The following SRL variants were observed in gnomAD, a reference collection of about 807,000 sequenced individuals.
The protein encoded by SRL is sarcalumenin.
Under a neutral mutation model 39.5 loss-of-function variants are expected in SRL, and 23 were observed. That is an observed-to-expected ratio of 0.58 (90% confidence interval 0.42 to 0.82). The LOEUF (loss-of-function observed/expected upper bound fraction) is 0.82, where lower values mean the gene tolerates loss of function less well. Ranked by LOEUF, SRL falls within the 40% of genes least tolerant of loss-of-function variation. SRL has a pLI of 0.00. For missense variants in SRL, 592 were observed against 607.8 expected, an observed-to-expected ratio of 0.97 and a Z score of 0.27; for synonymous variants, 272 against 237.4, an observed-to-expected ratio of 1.15 and a Z score of -1.34.
At chr16:4,207,411 G>A (rs1246156566) in intron 1 of SRL, 5 of 456,498 alleles carry the variant, frequency 1.1e-5, no homozygotes, top group Middle Eastern at 3.2e-4. Context: ...ATCTGGCTCC[G>A]ACTCTCCCCC....
Position 4,206,989 on chromosome 16 carries a change from C to A in SRL, c.62-2355G>T, listed in dbSNP as rs753944174. On this transcript the variant is annotated intron_variant, in intron 1 of 5. Transcript: ENST00000399609. Reference sequence around the variant, plus strand: ...TCCCCGCCTTCCTGTGGCGCTCCACCTTCCTGGGGCTCCTCGGCTTCCTGG... The same window carrying A: ...TCCCCGCCTTCCTGTGGCGCTCCACATTCCTGGGGCTCCTCGGCTTCCTGG... The A allele has an allele frequency of 2.5e-4, 113 of 454,994 alleles. 1 individual carries two copies. Among genetic ancestry groups the A allele is most frequent in the Non-Finnish European group, 4.2e-4 (94 of 226,254 alleles). The allele number at this position is 454,994 out of a possible 1,614,324, so 28.2% of individuals were successfully genotyped here. A position where few individuals can be genotyped will look rare whatever the true frequency, so the allele number is the denominator to read the frequency against.
chr16:4,196,690 A>C lies in SRL; in HGVS notation c.377-904T>G, dbSNP rs544176866. Among the ~76,000 whole-genome samples, 372 of 152,180 alleles carry C rather than the reference A, an allele frequency of 2.4e-3. 1 individual carries two copies. Among genetic ancestry groups the C allele is most frequent in the African/African-American group, 8.8e-3 (366 of 41,534 alleles). The stretch of plus-strand genomic sequence containing the variant: ...GAGACAAGGTTTCACCATCTTGGCC[A>C]GGCTGGTCTTGAAGTCCTGACCTTG... On this transcript the variant is annotated intron_variant, in intron 4 of 5. Transcript: ENST00000399609.
chr16:4,199,949 G>A lies in SRL; in HGVS notation c.260-2034C>T, dbSNP rs576398370. On this transcript the variant is annotated intron_variant, in intron 3 of 5. Coordinates refer to ENST00000399609, the MANE Select transcript of SRL (RefSeq NM_001098814.2). ...TGACCTCAAGTGATCCACCTGCCTCGGCTTCCCAAAGTGCTGGGATTACAG... is the reference window on the plus strand; with the variant it reads ...TGACCTCAAGTGATCCACCTGCCTCAGCTTCCCAAAGTGCTGGGATTACAG... Among the ~76,000 whole-genome samples, 5 of 152,166 alleles carry A rather than the reference G, an allele frequency of 3.3e-5. No individual in the cohort carries two copies. The South Asian group carries it at 8.3e-4, about 25-fold the overall frequency.
chr16:4,195,798 G>T lies in SRL; in HGVS notation c.377-12C>A. ...GGTGGGTTCAGCGCCTGGGCACACG[G>T]GGTGAGAGGTGAAGGAATACATGAT... On this transcript the variant is annotated splice_polypyrimidine_tract_variant and intron_variant, in intron 4 of 5. Coordinates refer to ENST00000399609, the MANE Select transcript of SRL (RefSeq NM_001098814.2). 1 of 1,605,740 alleles carries T rather than the reference G, an allele frequency of 6.2e-7. No homozygotes were observed. Among genetic ancestry groups the T allele is most frequent in the African/African-American group, 1.3e-5 (1 of 74,870 alleles).
At chr16:4,201,280 T>C (rs1469064213) in intron 3 of SRL, among the ~76,000 whole-genome samples, 2 of 151,944 alleles carry the variant, frequency 1.3e-5, no homozygotes, top group Non-Finnish European at 2.9e-5. Flanking sequence ...TGTCCAGCTA[T>C]TTTTTTCTTT....
chr16:4,241,634 C>T (rs2052774622), intron 1 of SRL, among the ~76,000 whole-genome samples: 1 of 152,208 alleles, frequency 6.6e-6, no homozygotes, highest in Non-Finnish European at 1.5e-5. Context: ...GGAGGGTCAC[C>T]TCAACGACCT....
At chr16:4,226,351 T>C (rs1597291618) in intron 1 of SRL, among the ~76,000 whole-genome samples, 1 of 151,432 alleles carries the variant, frequency 6.6e-6, no homozygotes, top group African/African-American at 2.4e-5. Flanking sequence ...GACGAATGGA[T>C]GGATGGGTAG....
chr16:4,217,238 G>A (rs955768307), intron 1 of SRL, among the ~76,000 whole-genome samples: 1 of 152,042 alleles, frequency 6.6e-6, no homozygotes, highest in African/African-American at 2.4e-5. Context: ...AGGAAAGCTG[G>A]GTTCTGCCCC....
chr16:4,197,957 A>G, intron 3 of SRL, 42 bp from the exon 4 acceptor site: 12 of 1,321,744 alleles, frequency 9.1e-6, no homozygotes, highest in Non-Finnish European at 1.3e-5. Context: ...AACTAACAAA[A>G]GTTCACACAA....
intron 1 of SRL, among the ~76,000 whole-genome samples, chr16:4,228,117 C>T (rs542290191): frequency 6.6e-6 from 1 of 152,322 alleles, no homozygotes; most frequent in African/African-American, 2.4e-5. Flanking sequence ...CTGGACCGGG[C>T]CTCCCTGACC....
intron 1 of SRL, chr16:4,206,645 TG>T: frequency 2.2e-6 from 1 of 456,008 alleles, no homozygotes; most frequent in Non-Finnish European, 4.4e-6. Flanking sequence ...CTTCTGTCCC[TG>T]CCTGTCCCCT....
At chr16:4,207,486 T>C (rs1389063270) in intron 1 of SRL, 2 of 456,712 alleles carry the variant, frequency 4.4e-6, no homozygotes, top group Admixed American at 4.7e-5. Flanking sequence ...AGGGCTGCCC[T>C]CGGCCTCTGC....
At position 4,203,174 on chromosome 16, in the gene SRL, T is replaced by G; in HGVS notation, c.251A>C (p.Glu84Ala). ...GTTATCTCAAGCCCTACCTGTGATC[T>G]CATGCTGCCGGAGCTCATTGTACTT... ...SYKYNELRQHEITDGEITSKP... is the reference protein window; with the variant it reads ...SYKYNELRQHAITDGEITSKP... The change falls in exon 3 of 6, where the codon GAG becomes GCG. Residue 84 changes from glutamate (E) to alanine (A), a missense_variant. Transcript: ENST00000399609. 6.2e-7 allele frequency: 1 copy of G among 1,614,074 alleles called. No individual in the cohort carries two copies. Among genetic ancestry groups the G allele is most frequent in the Non-Finnish European group, 8.5e-7 (1 of 1,179,908 alleles).
chr16:4,216,239 T>C (rs545458156), intron 1 of SRL, among the ~76,000 whole-genome samples: 1 of 152,268 alleles, frequency 6.6e-6, no homozygotes, highest in Non-Finnish European at 1.5e-5. Context: ...TCAGTATAAA[T>C]GACTATTCAC....
At chr16:4,210,332 G>C (rs187660011) in intron 1 of SRL, among the ~76,000 whole-genome samples, 6 of 152,092 alleles carry the variant, frequency 3.9e-5, no homozygotes, top group African/African-American at 1.4e-4. Flanking sequence ...TGAACAGCAG[G>C]ATACGTATAA....
intron 1 of SRL, among the ~76,000 whole-genome samples, chr16:4,227,070 GGAT>G (rs2052600343): frequency 3.4e-5 from 5 of 149,022 alleles, no homozygotes; most frequent in East Asian, 2.0e-4. Flanking sequence ...ATGGATGGAT[GGAT>G]GATGGATGGA....
At position 4,192,104 on chromosome 16, in the gene SRL, T is replaced by C; in HGVS notation, c.*49A>G. 6.6e-7 allele frequency: 1 copy of C among 1,510,318 alleles called. No individual in the cohort carries two copies. Among genetic ancestry groups the C allele is most frequent in the Non-Finnish European group, 8.9e-7 (1 of 1,127,282 alleles). The allele number at this position is 1,510,318 out of a possible 1,614,324, so 93.6% of individuals were successfully genotyped here. ...AATAAACCAGGACCTCTCAGACAGT[T>C]AGGACACAAGCTGATTCACCAACAG... On this transcript the variant is annotated 3_prime_UTR_variant, in exon 6 of 6. Transcript: ENST00000399609. The surrounding 1 kb of genome is among the most constrained non-coding windows in gnomAD (Gnocchi z 4.0).
chr16:4,233,382 T>C (rs2052679186), intron 1 of SRL, among the ~76,000 whole-genome samples: 1 of 152,184 alleles, frequency 6.6e-6, no homozygotes, highest in African/African-American at 2.4e-5. Context: ...AGCGTCATGC[T>C]ACACTGTTCG....
At chr16:4,207,398 A>G in intron 1 of SRL, 1 of 456,276 alleles carries the variant, frequency 2.2e-6, no homozygotes, top group Non-Finnish European at 4.4e-6. Flanking sequence ...CTTGTGTGTC[A>G]ATATCTGGCT....
Sources: allele counts gnomAD v4.1 joint callset (sites outside exome capture counted in the v4.1 genomes callset), GRCh38; gene constraint gnomAD v4.1.1; non-coding constraint Gnocchi (gnomAD v3.1); transcripts MANE v1.5; gene names NCBI Gene and HGNC (gene_info 2026-07-23, HGNC 2026-07-21).